The following SMPD3 variants were observed in gnomAD, a reference collection of about 807,000 sequenced individuals.
SMPD3 encodes the protein sphingomyelin phosphodiesterase 3, also known as nSMase-2.
In SMPD3, 21 loss-of-function variants were observed where a neutral mutation model predicts 55.7. The observed-to-expected ratio is 0.38, with a 90% CI of 0.27 to 0.54. The LOEUF (loss-of-function observed/expected upper bound fraction) is 0.54. Ranked by LOEUF, SMPD3 falls within the 20% of genes least tolerant of loss-of-function variation. The pLI is 0.80. For synonymous variants in SMPD3, 457 were observed against 404.3 expected, an observed-to-expected ratio of 1.13 and a Z score of -1.56; for missense variants, 842 against 899.6, an observed-to-expected ratio of 0.94 and a Z score of 0.82.
chr16:68,433,956 T>A (rs1370731396), intron 1 of SMPD3, among the ~76,000 whole-genome samples: 1 of 152,176 alleles, frequency 6.6e-6, no homozygotes, highest in Non-Finnish European at 1.5e-5. Context: ...TAAAAATGCC[T>A]AAATTTCAAC....
chr16:68,394,960 C>G (rs533322913), intron 1 of SMPD3, among the ~76,000 whole-genome samples: 3 of 152,092 alleles, frequency 2.0e-5, no homozygotes, highest in African/African-American at 7.2e-5. Flanking sequence ...GTTGAATGAC[C>G]CTTTGTTTTA....
At chr16:68,430,670 G>A (rs2090472284) in intron 1 of SMPD3, among the ~76,000 whole-genome samples, 1 of 152,120 alleles carries the variant, frequency 6.6e-6, no homozygotes, top group African/African-American at 2.4e-5. Context: ...CATTATAAAA[G>A]CCAAAAAACA....
intron 1 of SMPD3, among the ~76,000 whole-genome samples, chr16:68,400,314 C>T (rs929890391): frequency 2.0e-5 from 3 of 152,206 alleles, no homozygotes; most frequent in Admixed American, 6.5e-5. Context: ...AGGGTGTCCC[C>T]CTGACCTTGC....
intron 1 of SMPD3, among the ~76,000 whole-genome samples, chr16:68,390,006 T>C (rs2090096952): frequency 6.6e-6 from 1 of 152,208 alleles, no homozygotes; most frequent in Non-Finnish European, 1.5e-5. Context: ...GCTATTTTTA[T>C]GGTTATTTCT....
Position 68,372,335 on chromosome 16 carries a change from G to A in SMPD3, c.-154C>T. The stretch of plus-strand genomic sequence containing the variant: ...TCCGGCTGGTCAATGGCGAATGTTG[G>A]CCAGCCGGTCATGGTTCACCTCGGT... On this transcript the variant is annotated 5_prime_UTR_variant, in exon 3 of 9. Transcript: ENST00000219334. The A allele has an allele frequency of 9.9e-7, 1 of 1,008,422 alleles. No homozygotes were observed. Among genetic ancestry groups the A allele is most frequent in the Non-Finnish European group, 1.5e-6 (1 of 684,680 alleles). The allele number at this position is 1,008,422 out of a possible 1,614,324, so 62.5% of individuals were successfully genotyped here. A position where few individuals can be genotyped will look rare whatever the true frequency, so the allele number is the denominator to read the frequency against.
At chr16:68,364,567 A>G in intron 5 of SMPD3, 184 bp downstream of exon 5, 1 of 681,754 alleles carries the variant, frequency 1.5e-6, no homozygotes, top group Non-Finnish European at 2.4e-6. Flanking sequence ...TTCTAGGCAG[A>G]GCGTGGGCTC....
chr16:68,439,164 A>T (rs1315281215), intron 1 of SMPD3, among the ~76,000 whole-genome samples: 2 of 152,178 alleles, frequency 1.3e-5, no homozygotes, highest in Non-Finnish European at 2.9e-5. Context: ...GGAAAGGTTA[A>T]AGCACTTGCC....
In SMPD3 at chr16:68,371,430, T is replaced by G. The variant is rs758270504; in HGVS notation, c.752A>C (p.Glu251Ala). 3.2e-6 allele frequency: 5 copies of G among 1,576,636 alleles called. No individual in the cohort carries two copies. In the East Asian group the frequency reaches 9.0e-5, roughly 28 times the overall value. Reference protein sequence around the residue: ...DACIVRIGGEEGGRPPEADDP... With the variant: ...DACIVRIGGEAGGRPPEADDP... ...GTCAGCTTCAGGTGGCCGGCCGCCC[T>G]CCTCGCCACCGATGCGCACGATGCA... is the stretch of plus-strand genomic sequence containing the variant. Residue 251 changes from glutamate (E) to alanine (A), a missense_variant, in exon 3 of 9, where the codon GAG (glutamate) becomes GCG (alanine). Physicochemically the swap from Glu to Ala is moderately radical, Grantham distance 107. This residue lies in a region of SMPD3 where 649 missense variants were observed against 643.6 expected (regional missense o/e 1.01). Coordinates refer to ENST00000219334, the MANE Select transcript of SMPD3 (RefSeq NM_018667.4).
intron 2 of SMPD3, among the ~76,000 whole-genome samples, chr16:68,375,888 C>A (rs1011956652): frequency 6.6e-6 from 1 of 152,214 alleles, no homozygotes; most frequent in African/African-American, 2.4e-5. Context: ...CAGCCCTTCC[C>A]GCTGCCCTTC....
At chr16:68,427,506 A>G (rs1247555057) in intron 1 of SMPD3, among the ~76,000 whole-genome samples, 1 of 152,362 alleles carries the variant, frequency 6.6e-6, no homozygotes, top group Admixed American at 6.5e-5. Flanking sequence ...ACACTGTCCA[A>G]TATGGTAGCC....
intron 1 of SMPD3, among the ~76,000 whole-genome samples, chr16:68,387,463 C>T (rs945725116): frequency 9.2e-5 from 14 of 152,124 alleles, no homozygotes; most frequent in African/African-American, 3.1e-4. Flanking sequence ...TTGTAGTCCC[C>T]GCCCTTGCCC....
At chr16:68,373,005 A>G (rs1482305759) in intron 2 of SMPD3, among the ~76,000 whole-genome samples, 1 of 152,214 alleles carries the variant, frequency 6.6e-6, no homozygotes, top group East Asian at 1.9e-4. Flanking sequence ...AGCCTGCAGG[A>G]TCACACCAAG....
At position 68,401,052 on chromosome 16, in the gene SMPD3, G is replaced by A. The variant is rs552143526; in HGVS notation, c.-268-14393C>T. Among the ~76,000 whole-genome samples, 101 of 152,342 alleles carry A rather than the reference G, an allele frequency of 6.6e-4. 2 individuals carry two copies. The South Asian group carries it at 0.02, about 30-fold the overall frequency. ...CACTGCCAGTGCCACCCTCTGTGAGGTGCTGGCCTCAGAGCTCAGATAGTG... is the reference window on the plus strand; with the variant it reads ...CACTGCCAGTGCCACCCTCTGTGAGATGCTGGCCTCAGAGCTCAGATAGTG... On this transcript the variant is annotated intron_variant, in intron 1 of 8. Coordinates refer to ENST00000219334, the MANE Select transcript of SMPD3 (RefSeq NM_018667.4).
At position 68,433,584 on chromosome 16, in the gene SMPD3, C is replaced by T. The variant is rs564469778; in HGVS notation, c.-269+14769G>A. Among the ~76,000 whole-genome samples the T allele has an allele frequency of 3.2e-4, 48 of 152,256 alleles. 1 individual carries two copies. Among genetic ancestry groups the T allele is most frequent in the Non-Finnish European group, 5.7e-4 (39 of 68,028 alleles). ...ACCAGGCTATGTCTTGGGACAACCA[C>T]GTTGGAGCTGCCAGTGGAGTATGGA... On this transcript the variant is annotated intron_variant, in intron 1 of 8. Coordinates refer to ENST00000219334, the MANE Select transcript of SMPD3 (RefSeq NM_018667.4).
chr16:68,433,089 CCA>C (rs1567810096), intron 1 of SMPD3, among the ~76,000 whole-genome samples: 1 of 152,210 alleles, frequency 6.6e-6, no homozygotes, highest in East Asian at 1.9e-4. Context: ...CAGGCATGAG[CCA>C]CCATGCCCGG....
At chr16:68,410,469 G>A (rs892559493) in intron 1 of SMPD3, among the ~76,000 whole-genome samples, 10 of 152,134 alleles carry the variant, frequency 6.6e-5, no homozygotes, top group Non-Finnish European at 1.3e-4. Flanking sequence ...CAGGCTATTT[G>A]GGCAGTGGGG....
At chr16:68,375,473 T>C (rs1391723184) in intron 2 of SMPD3, among the ~76,000 whole-genome samples, 1 of 152,178 alleles carries the variant, frequency 6.6e-6, no homozygotes, top group Non-Finnish European at 1.5e-5. Flanking sequence ...AGCTCCCTCA[T>C]GGGTCAGAGG....
chr16:68,440,906 C>T (rs2018058), intron 1 of SMPD3, among the ~76,000 whole-genome samples: 129,204 of 152,052 alleles, frequency 0.85, 55,293 homozygotes, highest in African/African-American at 0.96. Context: ...GACCTGTGCA[C>T]AATGCAGTTA....
chr16:68,439,399 C>A (rs2090549293), intron 1 of SMPD3, among the ~76,000 whole-genome samples: 1 of 152,216 alleles, frequency 6.6e-6, no homozygotes, highest in African/African-American at 2.4e-5. Flanking sequence ...AGCTATCCAT[C>A]ATTTGGCATT....
Sources: allele counts gnomAD v4.1 joint callset (sites outside exome capture counted in the v4.1 genomes callset), GRCh38; gene constraint gnomAD v4.1.1; regional missense constraint gnomAD v4.1.1; transcripts MANE v1.5; gene names NCBI Gene and HGNC (gene_info 2026-07-23, HGNC 2026-07-21).